The following BABAM2 variants were observed in gnomAD, a reference collection of about 807,000 sequenced individuals.
BABAM2 encodes BRISC and BRCA1 A complex member 2, also known as BRISC and BRCA1-A complex member 2.
A neutral mutation model predicts 54.7 loss-of-function variants in BABAM2; 31 were observed. That is an observed-to-expected ratio of 0.57 (90% CI 0.43 to 0.77). The LOEUF is 0.77. Among genes scored for constraint, BABAM2 ranks in the 30% least tolerant of loss-of-function variants. BABAM2 has a pLI of 0.00. For synonymous variants in BABAM2, 167 were observed against 162.9 expected (o/e 1.03, Z -0.19); for missense variants, 364 against 455.8 (o/e 0.80, Z 1.83).
chr2:28,043,798 C>G (rs1457214480), intron 5 of BABAM2, among the ~76,000 whole-genome samples: 2 of 152,168 alleles, frequency 1.3e-5, no homozygotes, highest in African/African-American at 4.8e-5. Context: ...CAAACCTTCT[C>G]CCACCCACCA....
chr2:28,124,204 T>C (rs1275625232), intron 6 of BABAM2, among the ~76,000 whole-genome samples: 1 of 152,222 alleles, frequency 6.6e-6, no homozygotes. Flanking sequence ...CTAACTCACA[T>C]AGGGCTACTT....
intron 7 of BABAM2, among the ~76,000 whole-genome samples, chr2:28,149,782 T>A (rs1282293418): frequency 6.6e-6 from 1 of 152,220 alleles, no homozygotes; most frequent in Non-Finnish European, 1.5e-5. Flanking sequence ...GCTGCTTTAG[T>A]CAGTGTCCCT....
At chr2:28,086,753 C>T (rs1308950317) in intron 6 of BABAM2, among the ~76,000 whole-genome samples, 2 of 152,166 alleles carry the variant, frequency 1.3e-5, no homozygotes, top group Non-Finnish European at 2.9e-5. Flanking sequence ...TTCAAAAATT[C>T]TTCACATAAG....
intron 5 of BABAM2, among the ~76,000 whole-genome samples, chr2:28,031,872 A>G (rs1452197393): frequency 1.3e-5 from 2 of 152,190 alleles, no homozygotes; most frequent in East Asian, 1.9e-4. Flanking sequence ...ATATATGGGG[A>G]ATAGAATTGT....
intron 6 of BABAM2, among the ~76,000 whole-genome samples, chr2:28,106,317 GT>G (rs1236008445): frequency 6.6e-6 from 1 of 152,104 alleles, no homozygotes; most frequent in African/African-American, 2.4e-5. Context: ...GAGATGAGGT[GT>G]TGCTGTAGCC....
At chr2:28,038,232 A>AT (rs1676807962) in intron 5 of BABAM2, among the ~76,000 whole-genome samples, 1 of 151,832 alleles carries the variant, frequency 6.6e-6, no homozygotes, top group African/African-American at 2.4e-5. Context: ...GGTGTTATTT[A>AT]TTTTTCCATG....
At chr2:27,986,789 T>C (rs1324893994) in intron 3 of BABAM2, among the ~76,000 whole-genome samples, 1 of 152,174 alleles carries the variant, frequency 6.6e-6, no homozygotes, top group East Asian at 1.9e-4. Flanking sequence ...TGTATGTATG[T>C]GTACAGAGGT....
At chr2:28,132,133 C>CT (rs1670131616) in intron 7 of BABAM2, among the ~76,000 whole-genome samples, 1 of 145,436 alleles carries the variant, frequency 6.9e-6, no homozygotes, top group South Asian at 2.2e-4. Flanking sequence ...TTTTTTCTTT[C>CT]TTCTTCTTCT....
At position 27,989,598 on chromosome 2, in the gene BABAM2, G is replaced by T. The variant is rs74572141; in HGVS notation, c.300+1511G>T. Among the ~76,000 whole-genome samples, 18 of 152,188 alleles carry T rather than the reference G, an allele frequency of 1.2e-4. No homozygotes were observed. The East Asian group carries it at 3.5e-3, about 29-fold the overall frequency. On this transcript the variant is annotated intron_variant, in intron 4 of 11. Coordinates refer to ENST00000379624, the MANE Select transcript of BABAM2 (RefSeq NM_199191.3). ...AGACTGTGGGGCACATTGAATGCTG[G>T]GCTAGGAGCCATTGAAGGAAATGAT...
intron 4 of BABAM2, among the ~76,000 whole-genome samples, chr2:27,988,958 C>A (rs1672589818): frequency 6.6e-6 from 1 of 152,112 alleles, no homozygotes; most frequent in Non-Finnish European, 1.5e-5. Flanking sequence ...AACTCTTGCC[C>A]TGCTTCCACC....
At chr2:27,911,943 C>G (rs1471322870) in intron 2 of BABAM2, among the ~76,000 whole-genome samples, 1 of 152,204 alleles carries the variant, frequency 6.6e-6, no homozygotes. Context: ...TACACCACTA[C>G]TTTGCCTACA....
chr2:28,061,869 C>T (rs1029153188), intron 6 of BABAM2, among the ~76,000 whole-genome samples: 4 of 151,998 alleles, frequency 2.6e-5, no homozygotes, highest in Admixed American at 2.6e-4. Flanking sequence ...ATTCTCATTA[C>T]TTGTAAAAGG....
chr2:27,927,658 AT>A (rs1667806878), intron 2 of BABAM2, among the ~76,000 whole-genome samples: 1 of 152,144 alleles, frequency 6.6e-6, no homozygotes, highest in Admixed American at 6.5e-5. Flanking sequence ...TTTTTTTTAT[AT>A]TGAAAGGAAA....
chr2:28,025,397 T>C lies in BABAM2; in HGVS notation c.472T>C (p.Tyr158His). 1 of 1,573,538 alleles carries C rather than the reference T, an allele frequency of 6.4e-7. No homozygotes were observed. Among genetic ancestry groups the C allele is most frequent in the Non-Finnish European group, 8.6e-7 (1 of 1,168,416 alleles). ...ACAGTATGGAGAGAACATGGAAATT[T>C]ATGCTGGGAAAAAAAACAACTGGGT... ...EPQYGENMEI[Y>H]AGKKNNWTGE... Residue 158 changes from tyrosine to histidine, a missense_variant, in exon 5 of 12, where the codon TAT becomes CAT. Physicochemically the swap from Tyr to His is moderately conservative, Grantham distance 83. Coordinates refer to ENST00000379624, the MANE Select transcript of BABAM2 (RefSeq NM_199191.3).
At chr2:28,071,712 A>G (rs1558308894) in intron 6 of BABAM2, among the ~76,000 whole-genome samples, 1 of 152,240 alleles carries the variant, frequency 6.6e-6, no homozygotes, top group Non-Finnish European at 1.5e-5. Flanking sequence ...GGCAGGATAA[A>G]TGCTTCTTCT....
chr2:28,215,517 A>G (rs1401732750), intron 7 of BABAM2, among the ~76,000 whole-genome samples: 1 of 152,232 alleles, frequency 6.6e-6, no homozygotes, highest in Non-Finnish European at 1.5e-5. Context: ...GGTTATATGA[A>G]GTACATAATT....
chr2:27,948,446 A>G (rs982504178), intron 3 of BABAM2, among the ~76,000 whole-genome samples: 1 of 152,158 alleles, frequency 6.6e-6, no homozygotes, highest in African/African-American at 2.4e-5. Flanking sequence ...GCCTTAGTGC[A>G]CTGACTAGAA....
intron 5 of BABAM2, among the ~76,000 whole-genome samples, chr2:28,043,775 T>C (rs1677329065): frequency 6.6e-6 from 1 of 152,210 alleles, no homozygotes; most frequent in African/African-American, 2.4e-5. Context: ...GCAAGAATTA[T>C]AATAGGATCT....
intron 6 of BABAM2, among the ~76,000 whole-genome samples, chr2:28,107,091 A>G (rs895603571): frequency 6.6e-6 from 1 of 152,154 alleles, no homozygotes; most frequent in Non-Finnish European, 1.5e-5. Context: ...TATATATTAT[A>G]TCCATCCCCC....
Sources: gnomAD v4.1 joint callset for allele counts (sites outside exome capture counted in the v4.1 genomes callset) on GRCh38, gnomAD v4.1.1 for gene constraint, MANE v1.5 for transcripts, NCBI Gene and HGNC (gene_info 2026-07-23, HGNC 2026-07-21) for gene names.